PHKB: variants seen among roughly 807,000 people sequenced by gnomAD.
PHKB encodes phosphorylase kinase regulatory subunit beta, also known as phosphorylase b kinase regulatory subunit beta.
A neutral mutation model predicts 152.1 loss-of-function variants in PHKB; 122 were observed. The observed-to-expected ratio is 0.80, with a 90% confidence interval of 0.69 to 0.93. The LOEUF (loss-of-function observed/expected upper bound fraction) is 0.93, where lower values mean the gene tolerates loss of function less well. PHKB is among the 40% of genes least tolerant of loss of function. PHKB has a pLI of 0.00. For synonymous variants in PHKB, 436 were observed against 464.9 expected, an observed-to-expected ratio of 0.94 and a Z score of 0.80; for missense variants, 1,304 against 1,328.4, an observed-to-expected ratio of 0.98 and a Z score of 0.29.
At chr16:47,652,490 A>T (rs540146949) in intron 20 of PHKB, among the ~76,000 whole-genome samples, 2 of 151,608 alleles carry the variant, frequency 1.3e-5, no homozygotes, top group Middle Eastern at 3.4e-3. Context: ...CAGTGGCTAA[A>T]CTAATTGACA....
Position 47,493,745 on chromosome 16 carries a change from A to C in PHKB, c.77-3654A>C, listed in dbSNP as rs147287510. 3.0e-3 allele frequency among the ~76,000 whole-genome samples: 456 copies of C among 152,376 alleles called. 1 individual carries two copies. Among genetic ancestry groups the C allele is most frequent in the African/African-American group, 0.01 (433 of 41,590 alleles). On this transcript the variant is annotated intron_variant, in intron 1 of 30. Coordinates refer to ENST00000323584, the MANE Select transcript of PHKB (RefSeq NM_000293.3). The stretch of plus-strand genomic sequence containing the variant: ...CATTTTAGATTTATCAATTGAACCA[A>C]GCTTCAGAATTTAACTGGTTTTTAA...
At chr16:47,665,880 C>G (rs1235130892) in intron 25 of PHKB, 3 of 1,105,126 alleles carry the variant, frequency 2.7e-6, no homozygotes, top group Non-Finnish European at 4.2e-6. Flanking sequence ...CAATCAGGGC[C>G]CCATGCATTC....
intron 7 of PHKB, among the ~76,000 whole-genome samples, chr16:47,577,077 A>G (rs1419615504): frequency 6.6e-6 from 1 of 150,606 alleles, no homozygotes; most frequent in Non-Finnish European, 1.5e-5. Flanking sequence ...TTGTTTGTTT[A>G]TTCTATTTTT....
chr16:47,515,607 C>G lies in PHKB; in HGVS notation c.594+6C>G. ...TTATCTACAACACTGATGAGGTATG[C>G]TTTCCCCAAATTTTCTATTACTAAA... On this transcript the variant is annotated splice_donor_region_variant and intron_variant, in intron 6 of 30. Transcript: ENST00000323584. The G allele has an allele frequency of 8.1e-7, 1 of 1,238,420 alleles. No individual in the cohort carries two copies. The highest frequency in any genetic ancestry group is 1.7e-5 in the Admixed American group (1 of 59,544). 76.7% of individuals were successfully genotyped at this position (1,238,420 alleles called of 1,614,324 possible).
At chr16:47,591,454 C>G (rs1469204298) in intron 10 of PHKB, among the ~76,000 whole-genome samples, 1 of 152,168 alleles carries the variant, frequency 6.6e-6, no homozygotes, top group Non-Finnish European at 1.5e-5. Flanking sequence ...CAGAACTTGG[C>G]ATTTGAGTGT....
intron 1 of PHKB, among the ~76,000 whole-genome samples, chr16:47,480,814 A>G (rs1428168058): frequency 6.6e-6 from 1 of 152,202 alleles, no homozygotes; most frequent in Non-Finnish European, 1.5e-5. Context: ...TTCGTATTAC[A>G]TAAAAAACTA....
intron 6 of PHKB, among the ~76,000 whole-genome samples, chr16:47,544,954 T>TC (rs34648604): frequency 6.6e-6 from 1 of 152,204 alleles, no homozygotes; most frequent in Admixed American, 6.5e-5. Context: ...TGGTAGATCT[T>TC]CCTCCATCCT....
chr16:47,688,681 C>CTT (rs75628138), intron 26 of PHKB, among the ~76,000 whole-genome samples: 21 of 124,664 alleles, frequency 1.7e-4, no homozygotes, highest in East Asian at 4.5e-4. Context: ...GCTCTCTTTC[C>CTT]TTTTTTTTTT....
intron 26 of PHKB, 78 bp from the exon 27 acceptor site, chr16:47,688,963 T>G: frequency 6.7e-7 from 1 of 1,490,170 alleles, no homozygotes; most frequent in Non-Finnish European, 9.4e-7. Context: ...TCAGTGCTAT[T>G]AAGGGCATTG....
intron 30 of PHKB, chr16:47,699,013 T>G: frequency 1.7e-6 from 1 of 579,432 alleles, no homozygotes; most frequent in East Asian, 3.0e-5. Flanking sequence ...GTTCTCTAAG[T>G]AAATAAAAAT....
intron 6 of PHKB, among the ~76,000 whole-genome samples, chr16:47,537,192 G>A (rs1263475108): frequency 1.3e-5 from 2 of 152,218 alleles, no homozygotes; most frequent in Admixed American, 6.5e-5. Context: ...ACATAGTAGT[G>A]TCAAAAGACA....
At chr16:47,595,491 C>T (rs1972102925) in intron 12 of PHKB, among the ~76,000 whole-genome samples, 1 of 152,116 alleles carries the variant, frequency 6.6e-6, no homozygotes, top group Non-Finnish European at 1.5e-5. Context: ...TTAGTTCCTA[C>T]CAACCCATTT....
chr16:47,668,396 C>T (rs1371832363), intron 25 of PHKB, among the ~76,000 whole-genome samples: 1 of 152,152 alleles, frequency 6.6e-6, no homozygotes, highest in African/African-American at 2.4e-5. Flanking sequence ...TCTCTGTGGC[C>T]TTTGATATGC....
chr16:47,560,840 A>AT (rs1174424559), intron 7 of PHKB, among the ~76,000 whole-genome samples: 1 of 152,180 alleles, frequency 6.6e-6, no homozygotes, highest in Non-Finnish European at 1.5e-5. Context: ...TTATATATTT[A>AT]TTTTATATCA....
At chr16:47,561,835 C>T (rs1971480754) in intron 7 of PHKB, 1 of 152,164 alleles carries the variant, frequency 6.6e-6, no homozygotes, top group Admixed American at 6.5e-5. Context: ...CTCAAATTGT[C>T]CAAGTTCACT....
intron 6 of PHKB, among the ~76,000 whole-genome samples, chr16:47,541,835 T>C (rs1233510709): frequency 6.6e-6 from 1 of 152,216 alleles, no homozygotes; most frequent in African/African-American, 2.4e-5. Context: ...TGCCCACTTT[T>C]TGATGGGGTT....
intron 7 of PHKB, among the ~76,000 whole-genome samples, chr16:47,564,216 G>A (rs1971525954): frequency 6.6e-6 from 1 of 151,764 alleles, no homozygotes; most frequent in Admixed American, 6.6e-5. Context: ...TGGATTGAAT[G>A]GTAGATCTAC....
chr16:47,467,528 G>A (rs559067353), intron 1 of PHKB, among the ~76,000 whole-genome samples: 33 of 152,218 alleles, frequency 2.2e-4, no homozygotes, highest in African/African-American at 6.7e-4. Context: ...CACTGTGCTC[G>A]CTTCATGTAG....
intron 6 of PHKB, among the ~76,000 whole-genome samples, chr16:47,522,358 C>G (rs1970698633): frequency 6.6e-6 from 1 of 151,912 alleles, no homozygotes; most frequent in African/African-American, 2.4e-5. Flanking sequence ...TATTTAAGTC[C>G]TCTTTATTTC....
Sources: allele counts gnomAD v4.1 joint callset (sites outside exome capture counted in the v4.1 genomes callset), GRCh38; gene constraint gnomAD v4.1.1; transcripts MANE v1.5; gene names NCBI Gene and HGNC (gene_info 2026-07-23, HGNC 2026-07-21).